SAMMSON: variants seen among roughly 807,000 people sequenced by gnomAD.
SAMMSON encodes the protein survival associated mitochondrial melanoma specific oncogenic non-coding RNA.
chr3:70,001,711 T>C (rs1292543419), intron 1 of SAMMSON, among the ~76,000 whole-genome samples: 1 of 152,192 alleles, frequency 6.6e-6, no homozygotes, highest in Non-Finnish European at 1.5e-5. Flanking sequence ...TCAGGTCCCC[T>C]GTCCTCAAGT....
chr3:70,022,306 G>A (rs2067017030), intron 3 of SAMMSON, among the ~76,000 whole-genome samples: 1 of 149,802 alleles, frequency 6.7e-6, no homozygotes, highest in South Asian at 2.1e-4. Flanking sequence ...ATAGCATTAG[G>A]AGATATACCT....
chr3:70,197,487 C>T (rs1701193882), intron 4 of SAMMSON, among the ~76,000 whole-genome samples: 1 of 152,188 alleles, frequency 6.6e-6, no homozygotes, highest in African/African-American at 2.4e-5. Context: ...CTCTGGGAAG[C>T]CACACAATTA....
intron 4 of SAMMSON, among the ~76,000 whole-genome samples, chr3:70,106,737 G>A (rs1342676403): frequency 6.6e-6 from 1 of 152,070 alleles, no homozygotes; most frequent in Non-Finnish European, 1.5e-5. Flanking sequence ...TTAAACTAAG[G>A]GGCGACTCTT....
At chr3:70,417,880 C>A (rs1168972973) in intron 2 of SAMMSON, among the ~76,000 whole-genome samples, 1 of 152,128 alleles carries the variant, frequency 6.6e-6, no homozygotes, top group African/African-American at 2.4e-5. Context: ...ATTGCAAGTC[C>A]TGAAAGGCAT....
At chr3:70,316,642 A>G (rs1168383501) in intron 7 of SAMMSON, among the ~76,000 whole-genome samples, 1 of 152,108 alleles carries the variant, frequency 6.6e-6, no homozygotes, top group Non-Finnish European at 1.5e-5. Flanking sequence ...GAAAATACAC[A>G]TGGTATAAAT....
chr3:70,345,349 A>G (rs988650995), intron 7 of SAMMSON, among the ~76,000 whole-genome samples: 2 of 152,174 alleles, frequency 1.3e-5, no homozygotes, highest in Non-Finnish European at 2.9e-5. Flanking sequence ...CCTTAATCTT[A>G]CAGATTCCAG....
Position 70,262,246 on chromosome 3 carries a change from G to C in SAMMSON, n.674+12576G>C, listed in dbSNP as rs140419161. ...ATGCATGAATAATTATACCAATAAC[G>C]TGAGACTGAAAACAGGCAGTGAAGC... On this transcript the variant is annotated intron_variant and non_coding_transcript_variant, in intron 6 of 9. Transcript: ENST00000642114. Among the ~76,000 whole-genome samples the C allele has an allele frequency of 3.9e-4, 60 of 152,268 alleles. 1 individual carries two copies. In the East Asian group the frequency reaches 0.01, roughly 26 times the overall value.
intron 2 of SAMMSON, among the ~76,000 whole-genome samples, chr3:70,426,128 G>T (rs1458934416): frequency 6.6e-6 from 1 of 152,160 alleles, no homozygotes; most frequent in Non-Finnish European, 1.5e-5. Flanking sequence ...GTAATATTGA[G>T]TTCTTTTATT....
chr3:70,294,563 C>G (rs1035959194), intron 7 of SAMMSON, among the ~76,000 whole-genome samples: 10 of 152,124 alleles, frequency 6.6e-5, no homozygotes, highest in African/African-American at 2.4e-4. Context: ...AAGTGCTCTT[C>G]ATTCATTATT....
rs1266117915 is a variant in SAMMSON, at chr3:70,125,508, A to G, written n.507+53943A>G. 5 of 716,318 alleles carry G rather than the reference A, an allele frequency of 7.0e-6. No homozygotes were observed. In the Admixed American group the frequency reaches 8.8e-5, roughly 13 times the overall value. 44.4% of individuals were successfully genotyped at this position (716,318 alleles called of 1,614,324 possible). ...TTTTTAATCTCTTCTGTGATGTTCA[A>G]ATTAGGTTTGGGAAAGATTTTTCCA... On this transcript the variant is annotated intron_variant and non_coding_transcript_variant, in intron 4 of 9. Coordinates refer to ENST00000642114, the Ensembl canonical transcript of SAMMSON.
chr3:70,185,019 G>A (rs1473000935), intron 4 of SAMMSON, among the ~76,000 whole-genome samples: 1 of 152,156 alleles, frequency 6.6e-6, no homozygotes, highest in African/African-American at 2.4e-5. Flanking sequence ...ATTGATGTCT[G>A]GGTCTCCATC....
chr3:70,050,898 G>A (rs2067143416), intron 3 of SAMMSON, among the ~76,000 whole-genome samples: 1 of 151,938 alleles, frequency 6.6e-6, no homozygotes, highest in Admixed American at 6.6e-5. Flanking sequence ...CACTTTGGGA[G>A]GCTGAGGCCA....
intron 3 of SAMMSON, chr3:70,068,059 C>G (rs1447916850): frequency 1.3e-5 from 2 of 151,834 alleles, no homozygotes; most frequent in African/African-American, 4.8e-5. Flanking sequence ...TATTCATGCA[C>G]CCAGTTATGT....
At chr3:70,039,832 C>T (rs1276163813) in intron 3 of SAMMSON, among the ~76,000 whole-genome samples, 1 of 152,010 alleles carries the variant, frequency 6.6e-6, no homozygotes, top group Non-Finnish European at 1.5e-5. Flanking sequence ...GAGTGCCATT[C>T]TACTTCAGGG....
intron 7 of SAMMSON, among the ~76,000 whole-genome samples, chr3:70,336,569 T>A (rs1227071768): frequency 6.6e-6 from 1 of 151,978 alleles, no homozygotes; most frequent in Non-Finnish European, 1.5e-5. Context: ...TAACATTTTC[T>A]GTTCTTTGGA....
At chr3:70,418,938 T>TCCTTTCCTTTCCTTTCCTTTC (rs1247822408) in intron 2 of SAMMSON, among the ~76,000 whole-genome samples, 5 of 90,786 alleles carry the variant, frequency 5.5e-5, no homozygotes, top group Admixed American at 2.2e-4. Flanking sequence ...TCCTTTCCTT[T>TCCTTTCCTTTCCTTTCCTTTC]CCTTTCCTTT....
intron 6 of SAMMSON, among the ~76,000 whole-genome samples, chr3:70,260,218 T>G (rs2106660714): frequency 6.6e-6 from 1 of 152,200 alleles, no homozygotes; most frequent in East Asian, 1.9e-4. Flanking sequence ...ATCACAGGCA[T>G]TCCTTAGTTT....
At chr3:70,350,532 A>T (rs977239944) in intron 7 of SAMMSON, among the ~76,000 whole-genome samples, 1 of 152,114 alleles carries the variant, frequency 6.6e-6, no homozygotes, top group African/African-American at 2.4e-5. Flanking sequence ...TCAATGAAAG[A>T]TAATTCCATA....
At chr3:70,360,589 C>T (rs763600686) in intron 9 of SAMMSON, among the ~76,000 whole-genome samples, 1 of 152,102 alleles carries the variant, frequency 6.6e-6, no homozygotes, top group Non-Finnish European at 1.5e-5. Flanking sequence ...CTTTCCCATA[C>T]TGATTTGAAA....
Sources: allele counts gnomAD v4.1 joint callset (sites outside exome capture counted in the v4.1 genomes callset), GRCh38; gene constraint gnomAD v4.1.1; transcripts MANE v1.5; gene names NCBI Gene and HGNC (gene_info 2026-07-23, HGNC 2026-07-21).